The following ENOX2 variants were observed in gnomAD, a reference collection of about 807,000 sequenced individuals.
ENOX2 encodes the protein ecto-NOX disulfide-thiol exchanger 2, also known as APK1 antigen.
In ENOX2, 36 loss-of-function variants were observed where a neutral mutation model predicts 45.0. The observed-to-expected ratio is 0.80, with a 90% CI of 0.61 to 1.06. The LOEUF (loss-of-function observed/expected upper bound fraction) is 1.06. Ranked by LOEUF, ENOX2 falls within the 50% of genes least tolerant of loss-of-function variation. ENOX2 has a pLI of 0.00. For missense variants in ENOX2, 423 were observed against 462.5 expected, an observed-to-expected ratio of 0.91 and a Z score of 0.78; for synonymous variants, 174 against 152.3, an observed-to-expected ratio of 1.14 and a Z score of -1.05.
chrX:130,885,336 A>C (rs1199414475), intron 2 of ENOX2, among the ~76,000 whole-genome samples: 1 of 111,239 alleles, frequency 9.0e-6, no homozygotes, highest in Non-Finnish European at 1.9e-5. Flanking sequence ...GGCTGCACTT[A>C]GATGGAGACC....
chrX:130,735,117 T>C (rs2038828588), intron 3 of ENOX2, among the ~76,000 whole-genome samples: 1 of 112,341 alleles, frequency 8.9e-6, no homozygotes, highest in Admixed American at 9.4e-5. Context: ...TCCAGAGGCA[T>C]GGAGGAGAAT....
intron 10 of ENOX2, among the ~76,000 whole-genome samples, chrX:130,637,634 T>C (rs1308004034): frequency 1.8e-5 from 2 of 111,463 alleles, no homozygotes; most frequent in East Asian, 5.6e-4. Context: ...ACCTCAAATA[T>C]AACTAAGATA....
chrX:130,732,395 G>T (rs969385138), intron 3 of ENOX2, among the ~76,000 whole-genome samples: 1 of 111,598 alleles, frequency 9.0e-6, no homozygotes, highest in African/African-American at 3.2e-5. Flanking sequence ...ATGGATTGAA[G>T]ACTTAATATT....
chrX:130,725,891 T>C, intron 3 of ENOX2, among the ~76,000 whole-genome samples: 1 of 111,714 alleles, frequency 9.0e-6, no homozygotes, highest in South Asian at 3.8e-4. Flanking sequence ...GAATAATAAT[T>C]TCTGTCTAGA....
At chrX:130,743,169 G>A in intron 3 of ENOX2, among the ~76,000 whole-genome samples, 1 of 111,975 alleles carries the variant, frequency 8.9e-6, no homozygotes, top group South Asian at 3.8e-4. Flanking sequence ...AAAAAGGTGG[G>A]TGACCATAGA....
chrX:130,866,068 GTCA>G (rs1009974650), intron 2 of ENOX2, among the ~76,000 whole-genome samples: 4 of 111,330 alleles, frequency 3.6e-5, no homozygotes, highest in African/African-American at 1.3e-4. Context: ...TAATAACCTA[GTCA>G]TCATCAACTA....
intron 4 of ENOX2, among the ~76,000 whole-genome samples, chrX:130,702,194 A>C (rs971240098): frequency 2.7e-5 from 3 of 111,652 alleles, no homozygotes; most frequent in Non-Finnish European, 5.6e-5. Flanking sequence ...GCAAGACAAA[A>C]TGGCATTACT....
intron 3 of ENOX2, among the ~76,000 whole-genome samples, chrX:130,705,816 C>A (rs902944223): frequency 8.9e-6 from 1 of 111,765 alleles, no homozygotes; most frequent in African/African-American, 3.3e-5. Context: ...CCCTCCTCTT[C>A]CTGGGTGGAA....
At chrX:130,816,061 C>T (rs1229592632) in intron 2 of ENOX2, among the ~76,000 whole-genome samples, 1 of 111,271 alleles carries the variant, frequency 9.0e-6, no homozygotes, top group East Asian at 2.8e-4. Flanking sequence ...ATTTACCAAG[C>T]AAATGGAAAG....
chrX:130,848,025 G>A (rs971643941), intron 2 of ENOX2, among the ~76,000 whole-genome samples: 1 of 111,662 alleles, frequency 9.0e-6, no homozygotes, highest in Non-Finnish European at 1.9e-5. Context: ...TTTTTTTGTT[G>A]TTGTTTTTGT....
intron 2 of ENOX2, among the ~76,000 whole-genome samples, chrX:130,847,177 G>GT (rs1181472687): frequency 5.2e-4 from 53 of 101,731 alleles, no homozygotes; most frequent in South Asian, 1.7e-3. Flanking sequence ...AGGATGAAGT[G>GT]TTTTTTTTTT....
At chrX:130,675,118 C>T (rs2037108980) in intron 6 of ENOX2, among the ~76,000 whole-genome samples, 2 of 109,353 alleles carry the variant, frequency 1.8e-5, no homozygotes, top group Admixed American at 9.7e-5. Flanking sequence ...ATTTATAGTC[C>T]TTTGGGTATA....
At chrX:130,861,178 A>G (rs150019355) in intron 2 of ENOX2, among the ~76,000 whole-genome samples, 71 of 112,240 alleles carry the variant, frequency 6.3e-4, no homozygotes, top group African/African-American at 2.2e-3. Context: ...GTGAAAATGT[A>G]TATTGAAACA....
chrX:130,851,055 T>A (rs1250800154), intron 2 of ENOX2, among the ~76,000 whole-genome samples: 1 of 112,503 alleles, frequency 8.9e-6, no homozygotes, highest in Non-Finnish European at 1.9e-5. Context: ...ATATAATTTC[T>A]GAAGGAAATC....
intron 3 of ENOX2, among the ~76,000 whole-genome samples, chrX:130,741,190 G>C (rs1464440880): frequency 8.9e-6 from 1 of 111,924 alleles, no homozygotes; most frequent in African/African-American, 3.3e-5. Flanking sequence ...CTGTGGGATG[G>C]AATAGGAGAT....
intron 2 of ENOX2, among the ~76,000 whole-genome samples, chrX:130,817,891 A>G (rs762505265): frequency 2.7e-5 from 3 of 112,203 alleles, no homozygotes; most frequent in Non-Finnish European, 3.8e-5. Context: ...ACTTCTATTC[A>G]ACATAGTATT....
chrX:130,634,917 G>A, intron 12 of ENOX2, 67 bp downstream of exon 12: 2 of 571,583 alleles, frequency 3.5e-6, no homozygotes, highest in Non-Finnish European at 5.6e-6. Flanking sequence ...AACTTCCAGG[G>A]CATTTTCACT....
intron 2 of ENOX2, among the ~76,000 whole-genome samples, chrX:130,853,016 A>G (rs957806122): frequency 9.0e-6 from 1 of 111,090 alleles, no homozygotes; most frequent in Non-Finnish European, 1.9e-5. Flanking sequence ...AACATTTTCA[A>G]AGGTGGAGAA....
rs1051456337 is a variant in ENOX2 at position 130,646,001 on chromosome X, T to C, written c.1130-8591A>G. ...TCACGGATGAACTCAGCTACGTTTGTGAGAGGAAGGATTTGCTGGTGAATG... is the reference window on the plus strand; with the variant it reads ...TCACGGATGAACTCAGCTACGTTTGCGAGAGGAAGGATTTGCTGGTGAATG... On this transcript the variant is annotated intron_variant, in intron 10 of 14. Coordinates refer to ENST00000394363, the MANE Select transcript of ENOX2 (RefSeq NM_006375.4). 9.9e-6 allele frequency: 6 copies of C among 604,852 alleles called. No homozygotes were observed. The African/African-American group carries it at 1.1e-4, about 11-fold the overall frequency. 49.8% of individuals were successfully genotyped at this position (604,852 alleles called of 1,213,427 possible). A position where few individuals can be genotyped will look rare whatever the true frequency, so the allele number is the denominator to read the frequency against.
Sources: gnomAD v4.1 joint callset for allele counts (sites outside exome capture counted in the v4.1 genomes callset) on GRCh38, gnomAD v4.1.1 for gene constraint, MANE v1.5 for transcripts, NCBI Gene and HGNC (gene_info 2026-07-23, HGNC 2026-07-21) for gene names.